The following FSTL4 variants were observed in gnomAD, a reference collection of about 807,000 sequenced individuals.
FSTL4 encodes follistatin like 4, also known as follistatin-related protein 4.
A neutral mutation model predicts 78.2 loss-of-function variants in FSTL4; 28 were observed. The ratio of observed to expected loss-of-function variants is 0.36; its 90% confidence interval spans 0.27 to 0.49. The LOEUF (loss-of-function observed/expected upper bound fraction) is 0.49. FSTL4 is among the 20% of genes least tolerant of loss of function. FSTL4 has a pLI of 0.98. For synonymous variants in FSTL4, 422 were observed against 440.5 expected, an observed-to-expected ratio of 0.96 and a Z score of 0.53; for missense variants, 922 against 1,084.9, an observed-to-expected ratio of 0.85 and a Z score of 2.11.
At chr5:133,703,168 G>T in the FSTL4 span, among the ~76,000 whole-genome samples, 1 of 152,238 alleles carries the variant, frequency 6.6e-6, no homozygotes, top group Non-Finnish European at 1.5e-5. Context: ...TATGCCTGCA[G>T]CAGGAATGGA....
chr5:133,476,709 G>A (rs1262514125), intron 3 of FSTL4, among the ~76,000 whole-genome samples: 1 of 152,162 alleles, frequency 6.6e-6, no homozygotes, highest in Non-Finnish European at 1.5e-5. Context: ...CTCTGTCCAT[G>A]TCCAACATGT....
the FSTL4 span, among the ~76,000 whole-genome samples, chr5:133,701,509 A>ACACACACCCC: frequency 1.0e-2 from 1,320 of 132,578 alleles, 43 homozygotes; most frequent in East Asian, 0.075. Flanking sequence ...ACACACACAC[A>ACACACACCCC]CCCCACAGGC....
intron 6 of FSTL4, among the ~76,000 whole-genome samples, chr5:133,274,760 C>T (rs73279941): frequency 0.071 from 10,759 of 152,142 alleles, 1,215 homozygotes; most frequent in African/African-American, 0.24. Flanking sequence ...CTCTCCACCC[C>T]TATTAAATAA....
chr5:133,495,481 G>T (rs1340672614), intron 3 of FSTL4, among the ~76,000 whole-genome samples: 9 of 152,172 alleles, frequency 5.9e-5, no homozygotes, highest in African/African-American at 2.2e-4. Flanking sequence ...TGAGCTTAAG[G>T]CCTTTACATG....
chr5:133,387,427 A>G (rs968167027), intron 4 of FSTL4, among the ~76,000 whole-genome samples: 4 of 151,976 alleles, frequency 2.6e-5, no homozygotes, highest in African/African-American at 4.8e-5. Context: ...GAGAATGTGT[A>G]TTTCCCATGA....
At chr5:133,287,717 G>A (rs540334999) in intron 6 of FSTL4, among the ~76,000 whole-genome samples, 6 of 152,326 alleles carry the variant, frequency 3.9e-5, no homozygotes, top group Admixed American at 3.3e-4. Flanking sequence ...CCCGCACTCT[G>A]CTCTAGGATG....
chr5:133,837,773 C>T, the FSTL4 span, among the ~76,000 whole-genome samples: 1 of 152,162 alleles, frequency 6.6e-6, no homozygotes, highest in Non-Finnish European at 1.5e-5. Flanking sequence ...TCAGGCATTT[C>T]GAGCCACTTT....
At chr5:133,810,143 C>T in the FSTL4 span, among the ~76,000 whole-genome samples, 1 of 152,256 alleles carries the variant, frequency 6.6e-6, no homozygotes, top group Non-Finnish European at 1.5e-5. Context: ...TAAGGACCTC[C>T]TCTGCATAAA....
At chr5:133,407,866 T>A (rs1172632331) in intron 3 of FSTL4, among the ~76,000 whole-genome samples, 1 of 152,168 alleles carries the variant, frequency 6.6e-6, no homozygotes, top group Non-Finnish European at 1.5e-5. Context: ...AGTGAGCATA[T>A]GTTAAAGCTG....
At chr5:133,469,167 A>C (rs572326281) in intron 3 of FSTL4, among the ~76,000 whole-genome samples, 3 of 152,330 alleles carry the variant, frequency 2.0e-5, no homozygotes, top group Non-Finnish European at 4.4e-5. Flanking sequence ...AGGAAAGCAG[A>C]GGGAGGTAAG....
chr5:133,404,536 T>A (rs571249424), intron 3 of FSTL4, among the ~76,000 whole-genome samples: 1 of 152,306 alleles, frequency 6.6e-6, no homozygotes, highest in Admixed American at 6.5e-5. Context: ...ATGGGAACAG[T>A]TACATTAACA....
At chr5:133,669,590 C>T in the FSTL4 span, among the ~76,000 whole-genome samples, 2 of 152,222 alleles carry the variant, frequency 1.3e-5, no homozygotes, top group South Asian at 2.1e-4. Flanking sequence ...GAGGACCCAC[C>T]TGCCTCCTTC....
intron 3 of FSTL4, among the ~76,000 whole-genome samples, chr5:133,532,613 G>A (rs181676682): frequency 2.4e-4 from 36 of 152,194 alleles, no homozygotes; most frequent in African/African-American, 7.0e-4. Context: ...GACTCTGGGC[G>A]TCAGAACCAG....
chr5:133,785,058 G>A, the FSTL4 span, among the ~76,000 whole-genome samples: 1 of 152,164 alleles, frequency 6.6e-6, no homozygotes, highest in African/African-American at 2.4e-5. Flanking sequence ...CTGCTCCTCT[G>A]AGCTCGAGAA....
intron 3 of FSTL4, among the ~76,000 whole-genome samples, chr5:133,401,369 G>A (rs25738): frequency 0.94 from 143,605 of 152,280 alleles, 67,862 homozygotes; most frequent in Non-Finnish European, 0.97. Context: ...GAAGCACCTT[G>A]CACAGAAGGA....
Position 133,569,068 on chromosome 5 carries a change from T to C in FSTL4, c.127-1849A>G, listed in dbSNP as rs139758971. 2.8e-3 allele frequency among the ~76,000 whole-genome samples: 426 copies of C among 152,318 alleles called. 5 individuals are homozygous for C. Among genetic ancestry groups the C allele is most frequent in the Middle Eastern group, 0.014 (4 of 294 alleles). On this transcript the variant is annotated intron_variant, in intron 2 of 15. Coordinates refer to ENST00000265342, the MANE Select transcript of FSTL4 (RefSeq NM_015082.2). ...TCTTATTATTTCTTCCAGCTGATTT[T>C]TGTTTGTATATTTGATGGCAATTTA...
At chr5:133,613,509 AGG>A (rs1462912069), upstream of FSTL4, among the ~76,000 whole-genome samples, 1 of 152,224 alleles carries the variant, frequency 6.6e-6, no homozygotes, top group Non-Finnish European at 1.5e-5. Flanking sequence ...TATAAGGAAA[AGG>A]GGAAGAATAA....
intron 4 of FSTL4, among the ~76,000 whole-genome samples, chr5:133,368,220 G>A (rs74446444): frequency 0.015 from 2,329 of 152,368 alleles, 20 homozygotes; most frequent in Non-Finnish European, 0.025. Flanking sequence ...TCAACCTCTG[G>A]AAGGCCAGAC....
At chr5:133,710,468 G>T in the FSTL4 span, among the ~76,000 whole-genome samples, 1 of 152,164 alleles carries the variant, frequency 6.6e-6, no homozygotes, top group Non-Finnish European at 1.5e-5. Context: ...ATGATAACTG[G>T]GATGAGTGTC....
Sources: allele counts gnomAD v4.1 joint callset (sites outside exome capture counted in the v4.1 genomes callset), GRCh38; gene constraint gnomAD v4.1.1; transcripts MANE v1.5; gene names NCBI Gene and HGNC (gene_info 2026-07-23, HGNC 2026-07-21).